STAU2: variants seen among roughly 807,000 people sequenced by gnomAD.
STAU2 encodes the protein double-stranded RNA-binding protein Staufen homolog 2.
Under a neutral mutation model 65.9 loss-of-function variants are expected in STAU2, and 20 were observed. The ratio of observed to expected loss-of-function variants is 0.30; its 90% confidence interval spans 0.21 to 0.44. The LOEUF is 0.44. Ranked by LOEUF, STAU2 falls within the 20% of genes least tolerant of loss-of-function variation. The pLI, the probability that STAU2 is intolerant of heterozygous loss-of-function variation, is 1.00. For synonymous variants in STAU2, 232 were observed against 233.9 expected, an observed-to-expected ratio of 0.99 and a Z score of 0.07; for missense variants, 558 against 683.9, an observed-to-expected ratio of 0.82 and a Z score of 2.05.
In STAU2 at chr8:73,621,274, T is replaced by TA. The variant is rs1362741099; in HGVS notation, c.411-3824dup. 2.6e-5 allele frequency among the ~76,000 whole-genome samples: 4 copies of TA among 152,114 alleles called. No individual in the cohort carries two copies. In the East Asian group the frequency reaches 7.7e-4, roughly 29 times the overall value. On this transcript the variant is annotated intron_variant, in intron 6 of 14. Transcript: ENST00000524300. The stretch of plus-strand genomic sequence containing the variant: ...GAGTTCTCACAAGATCTGACGGTTT[T>TA]ATAAGCGTCTGGCATTTCCCCTGCT...
intron 13 of STAU2, among the ~76,000 whole-genome samples, chr8:73,534,475 C>T (rs576010944): frequency 6.6e-5 from 10 of 152,090 alleles, no homozygotes; most frequent in Non-Finnish European, 1.3e-4. Context: ...ATTTATTTAA[C>T]TACAGTCAAC....
At chr8:73,487,922 T>A (rs1373672402) in intron 13 of STAU2, among the ~76,000 whole-genome samples, 1 of 152,074 alleles carries the variant, frequency 6.6e-6, no homozygotes. Context: ...TTTGGAAGAA[T>A]CCGTGATTCT....
chr8:73,479,852 T>A (rs965699148), intron 13 of STAU2, among the ~76,000 whole-genome samples: 6 of 151,798 alleles, frequency 4.0e-5, no homozygotes, highest in African/African-American at 1.2e-4. Context: ...AACGTAGACA[T>A]ATTAAAATGA....
At chr8:73,727,979 T>C (rs1396105986) in intron 3 of STAU2, 3 of 152,250 alleles carry the variant, frequency 2.0e-5, no homozygotes, top group African/African-American at 7.2e-5. Flanking sequence ...ATGTTGAGTA[T>C]TAATGATGTG....
chr8:73,573,596 C>A (rs1361836479), intron 12 of STAU2, among the ~76,000 whole-genome samples: 1 of 152,132 alleles, frequency 6.6e-6, no homozygotes, highest in African/African-American at 2.4e-5. Context: ...AGAAATAATA[C>A]CACACATTTA....
intron 4 of STAU2, among the ~76,000 whole-genome samples, chr8:73,701,318 A>G (rs752711964): frequency 6.6e-6 from 1 of 152,168 alleles, no homozygotes; most frequent in Non-Finnish European, 1.5e-5. Flanking sequence ...CAAAGGAAAC[A>G]GTCAACAAAG....
intron 10 of STAU2, among the ~76,000 whole-genome samples, chr8:73,596,752 G>C (rs935318664): frequency 2.0e-5 from 3 of 152,082 alleles, no homozygotes; most frequent in Non-Finnish European, 4.4e-5. Context: ...GGGAGGCTGA[G>C]GTGGGAAGAC....
intron 12 of STAU2, among the ~76,000 whole-genome samples, chr8:73,557,618 T>C (rs1319565251): frequency 2.0e-5 from 3 of 152,340 alleles, no homozygotes; most frequent in South Asian, 2.1e-4. Flanking sequence ...TAAATAATCA[T>C]TGCCACTCTA....
At chr8:73,590,094 G>A (rs552292548) in intron 11 of STAU2, among the ~76,000 whole-genome samples, 1 of 148,720 alleles carries the variant, frequency 6.7e-6, no homozygotes, top group African/African-American at 2.5e-5. Context: ...GAAGTAGGGG[G>A]AGAAGGAAGT....
chr8:73,521,465 T>C (rs1349119766), intron 13 of STAU2, among the ~76,000 whole-genome samples: 1 of 152,232 alleles, frequency 6.6e-6, no homozygotes, highest in Non-Finnish European at 1.5e-5. Flanking sequence ...TATGTATGTA[T>C]ACGGTAAACA....
intron 6 of STAU2, among the ~76,000 whole-genome samples, chr8:73,662,927 T>C (rs1472408228): frequency 6.6e-6 from 1 of 152,160 alleles, no homozygotes; most frequent in Admixed American, 6.5e-5. Flanking sequence ...AGGTTCTTTT[T>C]TTTTTCTGTC....
upstream of STAU2, chr8:73,747,236 C>G (rs763024693): frequency 2.0e-4 from 178 of 900,118 alleles, no homozygotes; most frequent in Non-Finnish European, 2.6e-4. Flanking sequence ...GCAGTCTCCT[C>G]GTCCCCGGCG....
At chr8:73,745,249 CTT>C (rs1243891357) in intron 1 of STAU2, among the ~76,000 whole-genome samples, 1 of 152,236 alleles carries the variant, frequency 6.6e-6, no homozygotes, top group Non-Finnish European at 1.5e-5. Context: ...TGTGATATCT[CTT>C]GTTTGCAGTA....
intron 6 of STAU2, among the ~76,000 whole-genome samples, chr8:73,649,498 T>TA (rs1335673688): frequency 6.6e-6 from 1 of 152,100 alleles, no homozygotes; most frequent in African/African-American, 2.4e-5. Flanking sequence ...ATAGAAATTA[T>TA]AAAAAAGATA....
chr8:73,550,764 C>G, intron 13 of STAU2: 4 of 987,356 alleles, frequency 4.1e-6, no homozygotes, highest in Non-Finnish European at 4.8e-6. Context: ...TAACTGGTAA[C>G]AGCTTCTTGA....
intron 13 of STAU2, among the ~76,000 whole-genome samples, chr8:73,428,193 A>G (rs1816973306): frequency 6.6e-6 from 1 of 152,192 alleles, no homozygotes; most frequent in Non-Finnish European, 1.5e-5. Context: ...CAATTGTTTT[A>G]TATCTCACAT....
At chr8:73,553,882 TTC>T (rs1455692689) in intron 12 of STAU2, among the ~76,000 whole-genome samples, 2 of 152,226 alleles carry the variant, frequency 1.3e-5, no homozygotes, top group Admixed American at 1.3e-4. Flanking sequence ...TTACTTTGAA[TTC>T]TCTGTCAGGT....
intron 4 of STAU2, among the ~76,000 whole-genome samples, chr8:73,697,956 T>C (rs577424540): frequency 2.9e-4 from 44 of 152,036 alleles, no homozygotes; most frequent in Non-Finnish European, 5.6e-4. Flanking sequence ...GGTGCACACA[T>C]GTAATCCCAG....
chr8:73,446,124 A>G (rs72659447), intron 13 of STAU2, among the ~76,000 whole-genome samples: 28,489 of 152,192 alleles, frequency 0.19, 3,432 homozygotes, highest in East Asian at 0.59. Context: ...AAAAGGAACA[A>G]ACTATTGATA....
Sources: gnomAD v4.1 joint callset for allele counts (sites outside exome capture counted in the v4.1 genomes callset) on GRCh38, gnomAD v4.1.1 for gene constraint, MANE v1.5 for transcripts, NCBI Gene and HGNC (gene_info 2026-07-23, HGNC 2026-07-21) for gene names.